DLC1: variants seen among roughly 807,000 people sequenced by gnomAD.
DLC1 encodes DLC1 Rho GTPase activating protein, also known as rho GTPase-activating protein 7.
Under a neutral mutation model 140.3 loss-of-function variants are expected in DLC1, and 54 were observed. The ratio of observed to expected loss-of-function variants is 0.38; its 90% CI spans 0.31 to 0.48. DLC1 has a LOEUF of 0.48. Ranked by LOEUF, DLC1 falls within the 20% of genes least tolerant of loss-of-function variation. DLC1 has a pLI of 0.96. For synonymous variants in DLC1, 986 were observed against 728.1 expected, an observed-to-expected ratio of 1.35 and a Z score of -5.70; for missense variants, 2,536 against 1,907.0, an observed-to-expected ratio of 1.33 and a Z score of -6.14.
intron 2 of DLC1, among the ~76,000 whole-genome samples, chr8:13,431,768 G>A (rs1054505058): frequency 6.6e-6 from 1 of 152,118 alleles, no homozygotes; most frequent in Non-Finnish European, 1.5e-5. Context: ...GCTTGGGAAA[G>A]GGAACGTGGG....
Position 13,499,227 on chromosome 8 carries a change from G to A in DLC1, c.845C>T (p.Pro282Leu), listed in dbSNP as rs2117200025. The A allele has an allele frequency of 6.2e-7, 1 of 1,614,202 alleles. No homozygotes were observed. Among genetic ancestry groups the A allele is most frequent in the Non-Finnish European group, 8.5e-7 (1 of 1,180,026 alleles). ...TDFGSCLLQP[P>L]SCPNGMSAEN... is the part of the protein sequence containing the mutation. ...AGCTGACATTCCATTGGGGCAGGAA[G>A]GAGGCTGCAGAAGGCAGCTTCCAAA... Residue 282 changes from proline (P) to leucine (L), a missense_variant, in exon 2 of 18, where the codon CCT becomes CTT. Transcript: ENST00000276297.
intron 1 of DLC1, among the ~76,000 whole-genome samples, chr8:13,589,199 C>G (rs1318011920): frequency 6.6e-6 from 1 of 152,052 alleles, no homozygotes; most frequent in African/African-American, 2.4e-5. Context: ...TACAACTTAA[C>G]CATTCTTAGC....
chr8:13,412,803 G>T lies in DLC1; in HGVS notation c.1024-11184C>A, dbSNP rs192609770. ...AAAAATTAGCCGGGTGTGGTGGTGG[G>T]AGCCTGTAGTCCCAGCTACTAGGGA... On this transcript the variant is annotated intron_variant, in intron 2 of 17. Coordinates refer to ENST00000276297, the MANE Select transcript of DLC1 (RefSeq NM_182643.3). Among the ~76,000 whole-genome samples the T allele has an allele frequency of 4.6e-3, 706 of 151,988 alleles. 6 individuals carry two copies. Among genetic ancestry groups the T allele is most frequent in the Middle Eastern group, 0.01 (3 of 294 alleles).
chr8:13,393,444 A>C lies in DLC1; in HGVS notation c.1314+109T>G, dbSNP rs1836857260. ...ATAAATTAAATATCATTAAGTCACT[A>C]TGGCTAAGATTCCAACAGTATTTCT... On this transcript the variant is annotated intron_variant, in intron 4 of 17. Coordinates refer to ENST00000276297, the MANE Select transcript of DLC1 (RefSeq NM_182643.3). 7 of 1,236,454 alleles carry C rather than the reference A, an allele frequency of 5.7e-6. No homozygotes were observed. The South Asian group carries it at 6.9e-5, about 12-fold the overall frequency. The allele number at this position is 1,236,454 out of a possible 1,614,324, so 76.6% of individuals were successfully genotyped here. A position where few individuals can be genotyped will look rare whatever the true frequency, so the allele number is the denominator to read the frequency against.
At chr8:13,146,332 T>G (rs1274875315) in intron 5 of DLC1, among the ~76,000 whole-genome samples, 1 of 152,068 alleles carries the variant, frequency 6.6e-6, no homozygotes, top group East Asian at 1.9e-4. Context: ...ACACTGATAT[T>G]TTGCTTATGT....
At chr8:13,496,595 CAT>C (rs5889445) in intron 2 of DLC1, among the ~76,000 whole-genome samples, 54,070 of 150,698 alleles carry the variant, frequency 0.36, 10,022 homozygotes, top group Middle Eastern at 0.47. Flanking sequence ...CACACACACA[CAT>C]ACCTACACAC....
At chr8:13,332,647 G>C (rs1833645375) in intron 4 of DLC1, among the ~76,000 whole-genome samples, 1 of 151,954 alleles carries the variant, frequency 6.6e-6, no homozygotes, top group African/African-American at 2.4e-5. Flanking sequence ...TGGCTTGGCT[G>C]ATCTCGAACT....
rs796099010 is a variant in DLC1, at chr8:13,178,593, T to C, written c.1349-62936A>G. On this transcript the variant is annotated intron_variant, in intron 5 of 17. Coordinates refer to ENST00000276297, the MANE Select transcript of DLC1 (RefSeq NM_182643.3). ...GCCTCAAAAAAAAAAAAAAAAAAGATTACTGTTCTATATTAACTTCTATAC... is the reference window on the plus strand; with the variant it reads ...GCCTCAAAAAAAAAAAAAAAAAAGACTACTGTTCTATATTAACTTCTATAC... Among the ~76,000 whole-genome samples, 7 of 149,036 alleles carry C rather than the reference T, an allele frequency of 4.7e-5. 1 individual carries two copies. Among genetic ancestry groups the C allele is most frequent in the African/African-American group, 1.7e-4 (7 of 40,690 alleles).
intron 2 of DLC1, among the ~76,000 whole-genome samples, chr8:13,415,788 A>AT (rs545727119): frequency 5.9e-5 from 9 of 151,898 alleles, no homozygotes; most frequent in African/African-American, 9.7e-5. Flanking sequence ...TATGTTCATG[A>AT]TTTTTTTTCT....
intron 1 of DLC1, among the ~76,000 whole-genome samples, chr8:13,589,801 A>G (rs1439120969): frequency 6.6e-6 from 1 of 151,750 alleles, no homozygotes; most frequent in Non-Finnish European, 1.5e-5. Flanking sequence ...TAAAATATAA[A>G]TGGTGAAAGG....
intron 5 of DLC1, among the ~76,000 whole-genome samples, chr8:13,148,988 T>G (rs1434788998): frequency 6.6e-6 from 1 of 152,080 alleles, no homozygotes; most frequent in East Asian, 1.9e-4. Flanking sequence ...GAGACAGGGT[T>G]TCTCCGTGTT....
Position 13,320,975 on chromosome 8 carries a change from G to A in DLC1, c.1315-15673C>T, listed in dbSNP as rs78305654. On this transcript the variant is annotated intron_variant, in intron 4 of 17. Coordinates refer to ENST00000276297, the MANE Select transcript of DLC1 (RefSeq NM_182643.3). Reference sequence around the variant, plus strand: ...CCCTTCCCTTCTGCCACCAGTGGAAGAGCCTGAGGCCCTTACCAGATGCAG... The same window carrying A: ...CCCTTCCCTTCTGCCACCAGTGGAAAAGCCTGAGGCCCTTACCAGATGCAG... 3.4e-3 allele frequency among the ~76,000 whole-genome samples: 516 copies of A among 152,294 alleles called. 6 individuals carry two copies. The highest frequency in any genetic ancestry group is 0.011 in the African/African-American group (463 of 41,556).
At chr8:13,402,637 G>A (rs1837348566) in intron 2 of DLC1, among the ~76,000 whole-genome samples, 2 of 152,184 alleles carry the variant, frequency 1.3e-5, no homozygotes, top group Non-Finnish European at 2.9e-5. Context: ...ACCACCAGTG[G>A]CTGATGTCAG....
chr8:13,121,051 AC>A (rs1821015049), intron 5 of DLC1, among the ~76,000 whole-genome samples: 1 of 152,202 alleles, frequency 6.6e-6, no homozygotes, highest in Non-Finnish European at 1.5e-5. Flanking sequence ...ATAATATGCC[AC>A]CAAAATCAGG....
intron 4 of DLC1, among the ~76,000 whole-genome samples, chr8:13,379,936 G>A (rs561063859): frequency 1.3e-5 from 2 of 152,164 alleles, no homozygotes; most frequent in Non-Finnish European, 2.9e-5. Flanking sequence ...ATATGTGGGA[G>A]CTGAACAATG....
At chr8:13,467,905 T>A (rs1298179171) in intron 2 of DLC1, among the ~76,000 whole-genome samples, 1 of 152,246 alleles carries the variant, frequency 6.6e-6, no homozygotes, top group Non-Finnish European at 1.5e-5. Flanking sequence ...ATTCCTGGGA[T>A]AAACCCAATT....
rs150342076 is a variant in DLC1, at chr8:13,100,096, C to T, written c.2241G>A (p.Ser747=). ...GCGTGCTGACCGCGCTGCTGGTCTCCGACTGGCTGCTGCTGCTGCTGGTCT... is the reference window on the plus strand; with the variant it reads ...GCGTGCTGACCGCGCTGCTGGTCTCTGACTGGCTGCTGCTGCTGCTGGTCT... ...STQTSSSSSQ[S]ETSSAVSTPS... Residue 747 remains serine (S), a synonymous_variant, in exon 9 of 18, where the codon TCG becomes TCA. Transcript: ENST00000276297. The T allele has an allele frequency of 1.4e-5, 23 of 1,613,698 alleles. No individual in the cohort carries two copies. Among genetic ancestry groups the T allele is most frequent in the East Asian group, 2.2e-5 (1 of 44,874 alleles).
At chr8:13,384,523 T>A (rs1320684001) in intron 4 of DLC1, among the ~76,000 whole-genome samples, 1 of 116,920 alleles carries the variant, frequency 8.6e-6, no homozygotes, top group African/African-American at 3.0e-5. Context: ...TATCTTTAAA[T>A]GGAAATTCTA....
chr8:13,459,000 G>C (rs1338173736), intron 2 of DLC1, among the ~76,000 whole-genome samples: 2 of 152,248 alleles, frequency 1.3e-5, no homozygotes, highest in East Asian at 3.9e-4. Context: ...TAAAAATTTT[G>C]ATTCAATTCT....
Sources: gnomAD v4.1 joint callset for allele counts (sites outside exome capture counted in the v4.1 genomes callset) on GRCh38, gnomAD v4.1.1 for gene constraint, MANE v1.5 for transcripts, NCBI Gene and HGNC (gene_info 2026-07-23, HGNC 2026-07-21) for gene names.